Variants in DIAPH2 observed in about 807,000 individuals in gnomAD.
DIAPH2 encodes protein diaphanous homolog 2.
In DIAPH2, 35 loss-of-function variants were observed where a neutral mutation model predicts 92.7. That is an observed-to-expected ratio of 0.38 (90% CI 0.29 to 0.50). The LOEUF (loss-of-function observed/expected upper bound fraction) is 0.50, where lower values mean the gene tolerates loss of function less well. DIAPH2 is among the 20% of genes least tolerant of loss of function. DIAPH2 has a pLI of 0.94. For synonymous variants in DIAPH2, 301 were observed against 280.4 expected (o/e 1.07, Z -0.73); for missense variants, 701 against 819.5 (o/e 0.86, Z 1.77).
intron 19 of DIAPH2, among the ~76,000 whole-genome samples, chrX:97,095,495 T>TAA (rs887609797): frequency 4.6e-5 from 5 of 107,725 alleles, no homozygotes; most frequent in Non-Finnish European, 9.6e-5. Flanking sequence ...CATATATATA[T>TAA]AATATATATA....
At chrX:97,159,634 T>C (rs1399183569) in intron 22 of DIAPH2, among the ~76,000 whole-genome samples, 2 of 111,900 alleles carry the variant, frequency 1.8e-5, no homozygotes, top group Non-Finnish European at 3.8e-5. Context: ...GTTTGAGATT[T>C]TGCATACAAC....
intron 26 of DIAPH2, among the ~76,000 whole-genome samples, chrX:97,441,080 A>G (rs972403129): frequency 6.3e-5 from 7 of 111,907 alleles, no homozygotes; most frequent in Non-Finnish European, 1.3e-4. Context: ...CCTTAGCCAA[A>G]AGAGTTTCAG....
At chrX:97,267,724 C>T (rs1394254018) in intron 23 of DIAPH2, among the ~76,000 whole-genome samples, 1 of 111,881 alleles carries the variant, frequency 8.9e-6, no homozygotes, top group Non-Finnish European at 1.9e-5. Flanking sequence ...CACAGCATGT[C>T]AGTTTCTGCT....
intron 23 of DIAPH2, among the ~76,000 whole-genome samples, chrX:97,296,382 G>A (rs1174602138): frequency 9.0e-6 from 1 of 111,530 alleles, no homozygotes; most frequent in Admixed American, 9.6e-5. Flanking sequence ...ATTTATCTAT[G>A]CCTGAAGTTG....
chrX:97,229,897 TATG>T (rs1416935271), intron 22 of DIAPH2, among the ~76,000 whole-genome samples: 1 of 105,898 alleles, frequency 9.4e-6, no homozygotes, highest in Non-Finnish European at 1.9e-5. Flanking sequence ...TGTTATTATA[TATG>T]ATAACAATAT....
intron 17 of DIAPH2, among the ~76,000 whole-genome samples, chrX:96,984,608 C>G (rs1049687439): frequency 9.0e-6 from 1 of 111,157 alleles, no homozygotes; most frequent in Non-Finnish European, 1.9e-5. Context: ...GGTCCAATGT[C>G]TCAGGATTAA....
At chrX:97,279,576 T>G (rs1273044907) in intron 23 of DIAPH2, among the ~76,000 whole-genome samples, 1 of 105,510 alleles carries the variant, frequency 9.5e-6, no homozygotes, top group Non-Finnish European at 2.0e-5. Flanking sequence ...AACATGAATC[T>G]TTTTTTTTTT....
chrX:96,845,784 AT>A (rs1453813098), intron 4 of DIAPH2, among the ~76,000 whole-genome samples: 1 of 111,060 alleles, frequency 9.0e-6, no homozygotes, highest in Non-Finnish European at 1.9e-5. Context: ...TTGAGTGTGA[AT>A]TTTTTTCTTT....
At chrX:96,871,161 A>C (rs2065138924) in intron 4 of DIAPH2, among the ~76,000 whole-genome samples, 3 of 111,646 alleles carry the variant, frequency 2.7e-5, no homozygotes, top group African/African-American at 9.8e-5. Flanking sequence ...TACATACATG[A>C]ACTTTCTTTA....
At chrX:96,760,371 G>A (rs962395986) in intron 4 of DIAPH2, among the ~76,000 whole-genome samples, 4 of 111,269 alleles carry the variant, frequency 3.6e-5, no homozygotes, top group Admixed American at 9.6e-5. Context: ...TGCATTTAGA[G>A]TAGACATGAT....
chrX:96,876,679 A>G (rs914770931), intron 4 of DIAPH2, among the ~76,000 whole-genome samples: 5 of 107,645 alleles, frequency 4.6e-5, no homozygotes, highest in African/African-American at 1.7e-4. Context: ...CAAACATCGC[A>G]TGTTCTCACT....
intron 19 of DIAPH2, among the ~76,000 whole-genome samples, chrX:97,093,481 A>G (rs2066842771): frequency 8.9e-6 from 1 of 112,034 alleles, no homozygotes; most frequent in African/African-American, 3.2e-5. Context: ...TGTTGCTATC[A>G]TTACATTTAG....
At chrX:97,511,491 A>G (rs1466537952) in intron 26 of DIAPH2, among the ~76,000 whole-genome samples, 3 of 108,052 alleles carry the variant, frequency 2.8e-5, no homozygotes, top group African/African-American at 1.0e-4. Context: ...CTAATTGAAT[A>G]CCCTTTATTT....
chrX:97,287,982 T>C (rs1186397301), intron 23 of DIAPH2, among the ~76,000 whole-genome samples: 1 of 93,531 alleles, frequency 1.1e-5, no homozygotes, highest in Non-Finnish European at 2.1e-5. Context: ...AAAAAAAAAT[T>C]AATGCCTTCA....
chrX:97,102,639 T>G (rs2066913424), intron 20 of DIAPH2, among the ~76,000 whole-genome samples: 2 of 111,931 alleles, frequency 1.8e-5, no homozygotes, highest in South Asian at 7.4e-4. Context: ...TATTAATGGC[T>G]CCATATTAAG....
At chrX:97,570,130 A>C (rs1569426281) in intron 26 of DIAPH2, among the ~76,000 whole-genome samples, 25 of 49,275 alleles carry the variant, frequency 5.1e-4, no homozygotes, top group Non-Finnish European at 8.7e-4. Context: ...ATATTAGAAG[A>C]TAGATAGATA....
chrX:97,453,751 GGAA>G (rs2070378369), intron 26 of DIAPH2, among the ~76,000 whole-genome samples: 1 of 111,634 alleles, frequency 9.0e-6, no homozygotes, highest in South Asian at 3.7e-4. Flanking sequence ...TGGTGGCTTG[GGAA>G]CACAGATAAG....
At chrX:96,799,213 C>T (rs924119382) in intron 4 of DIAPH2, among the ~76,000 whole-genome samples, 1 of 111,445 alleles carries the variant, frequency 9.0e-6, no homozygotes, top group Admixed American at 9.6e-5. Context: ...GTAATGTGTA[C>T]TTCCACACAC....
intron 26 of DIAPH2, among the ~76,000 whole-genome samples, chrX:97,455,270 A>G (rs1216433477): frequency 8.9e-6 from 1 of 112,320 alleles, no homozygotes; most frequent in African/African-American, 3.2e-5. Context: ...CAATATTATT[A>G]TATCTAAGCT....
Sources: gnomAD v4.1 joint callset for allele counts (sites outside exome capture counted in the v4.1 genomes callset) on GRCh38, gnomAD v4.1.1 for gene constraint, MANE v1.5 for transcripts, NCBI Gene and HGNC (gene_info 2026-07-23, HGNC 2026-07-21) for gene names.